SYT1: variants seen among roughly 807,000 people sequenced by gnomAD.
SYT1 encodes synaptotagmin 1, also known as synaptotagmin-1.
In SYT1, 8 loss-of-function variants were observed where a neutral mutation model predicts 44.8. That is an observed-to-expected ratio of 0.18 (90% CI 0.10 to 0.32). The LOEUF (loss-of-function observed/expected upper bound fraction) is 0.32, where lower values mean the gene tolerates loss of function less well. SYT1 is among the 10% of genes least tolerant of loss of function. The probability of loss-of-function intolerance (pLI) is 1.00; values close to 1 mark genes in which losing one functional copy is unlikely to be tolerated. For synonymous variants in SYT1, 154 were observed against 188.8 expected (o/e 0.82, Z 1.51); for missense variants, 286 against 509.3 (o/e 0.56, Z 4.22).
intron 3 of SYT1, among the ~76,000 whole-genome samples, chr12:79,059,558 A>G (rs926105070): frequency 6.6e-6 from 1 of 152,198 alleles, no homozygotes; most frequent in Non-Finnish European, 1.5e-5. Flanking sequence ...CAAGTTTTCA[A>G]TTTTCAATTT....
chr12:79,411,695 A>G (rs1868439539), intron 9 of SYT1, among the ~76,000 whole-genome samples: 1 of 152,188 alleles, frequency 6.6e-6, no homozygotes, highest in Admixed American at 6.5e-5. Flanking sequence ...AATTAGAAAA[A>G]AGTGCTAAGC....
At chr12:79,436,087 T>G (rs553007932) in intron 9 of SYT1, among the ~76,000 whole-genome samples, 32 of 152,252 alleles carry the variant, frequency 2.1e-4, no homozygotes, top group African/African-American at 7.2e-4. Context: ...GCTCTATTGC[T>G]AAAAAATTAG....
chr12:79,049,647 A>G (rs1028382276), intron 3 of SYT1, among the ~76,000 whole-genome samples: 1 of 152,016 alleles, frequency 6.6e-6, no homozygotes, highest in Non-Finnish European at 1.5e-5. Context: ...ATAAAACATG[A>G]TATCAGATGA....
intron 4 of SYT1, among the ~76,000 whole-genome samples, chr12:79,253,238 T>G (rs1230250048): frequency 1.3e-5 from 2 of 152,216 alleles, no homozygotes; most frequent in Non-Finnish European, 2.9e-5. Context: ...TTAGTAAATC[T>G]GTGTCAAGCA....
intron 1 of SYT1, among the ~76,000 whole-genome samples, chr12:78,929,409 C>CAAAAAAA (rs10646738): frequency 0.099 from 4,354 of 43,780 alleles, 2,102 homozygotes; most frequent in Middle Eastern, 0.25. Flanking sequence ...GACTCCGTCC[C>CAAAAAAA]AAAAAAAAAA....
chr12:79,138,874 A>T (rs982249835), intron 3 of SYT1, among the ~76,000 whole-genome samples: 1 of 152,218 alleles, frequency 6.6e-6, no homozygotes, highest in Admixed American at 6.5e-5. Context: ...TTATGCACAA[A>T]ATTTAAGGTG....
At chr12:79,244,985 A>C (rs1565872568) in intron 4 of SYT1, among the ~76,000 whole-genome samples, 4 of 152,132 alleles carry the variant, frequency 2.6e-5, no homozygotes, top group Admixed American at 2.6e-4. Context: ...AATTTTTTCC[A>C]CTGGAATGAT....
At chr12:79,251,405 A>C (rs1339892817) in intron 4 of SYT1, among the ~76,000 whole-genome samples, 1 of 152,216 alleles carries the variant, frequency 6.6e-6, no homozygotes, top group Non-Finnish European at 1.5e-5. Context: ...CTCCCCAGAA[A>C]ATAAATAGAA....
At position 79,296,161 on chromosome 12, in the gene SYT1, TAAG is replaced by T; in HGVS notation, c.576_578del (p.Lys193del). On this transcript the variant is annotated inframe_deletion, in exon 7 of 11. Transcript: ENST00000261205. Reference sequence around the variant, plus strand: ...ACGTGAAAGTGTTTCTGCTACCTGATAAGAAGAAGAAATTTGAGACAAAAGTCC... The same window carrying T: ...ACGTGAAAGTGTTTCTGCTACCTGATAAGAAGAAATTTGAGACAAAAGTCC... The T allele has an allele frequency of 1.2e-6, 2 of 1,614,122 alleles. No homozygotes were observed. Among genetic ancestry groups the T allele is most frequent in the South Asian group, 1.1e-5 (1 of 91,076 alleles).
rs142869667 is a variant in SYT1 at position 79,245,214 on chromosome 12, C to T, written c.166+27529C>T. On this transcript the variant is annotated intron_variant, in intron 4 of 10. Transcript: ENST00000261205. Reference sequence around the variant, plus strand: ...GGCGCGGTGGCTCACGCCTGTAATCCCAGCACTTTGGAAGGCCGAGGCGGG... The same window carrying T: ...GGCGCGGTGGCTCACGCCTGTAATCTCAGCACTTTGGAAGGCCGAGGCGGG... Among the ~76,000 whole-genome samples, 635 of 151,046 alleles carry T rather than the reference C, an allele frequency of 4.2e-3. 1 individual carries two copies. Among genetic ancestry groups the T allele is most frequent in the African/African-American group, 0.014 (592 of 41,034 alleles).
intron 3 of SYT1, among the ~76,000 whole-genome samples, chr12:79,201,432 C>T (rs1030017962): frequency 5.9e-5 from 9 of 152,174 alleles, no homozygotes; most frequent in South Asian, 2.1e-4. Context: ...TAAGTCAAAT[C>T]GATGTTGCTA....
chr12:79,435,695 G>C (rs1426059153), intron 9 of SYT1, among the ~76,000 whole-genome samples: 1 of 152,172 alleles, frequency 6.6e-6, no homozygotes, highest in Non-Finnish European at 1.5e-5. Flanking sequence ...GAAAGGAATA[G>C]TGGAGGGCAA....
In SYT1 at chr12:79,249,420, A is replaced by G. The variant is rs556422260; in HGVS notation, c.166+31735A>G. ...CGCCCGGCCCTCTTTACCTCTTTCTATATCTTCCATCTGAAGAGTTGGAAG... is the reference window on the plus strand; with the variant it reads ...CGCCCGGCCCTCTTTACCTCTTTCTGTATCTTCCATCTGAAGAGTTGGAAG... On this transcript the variant is annotated intron_variant, in intron 4 of 10. Transcript: ENST00000261205. Among the ~76,000 whole-genome samples, 11 of 152,078 alleles carry G rather than the reference A, an allele frequency of 7.2e-5. No individual in the cohort carries two copies. In the South Asian group the frequency reaches 2.3e-3, roughly 32 times the overall value.
chr12:79,215,220 TG>T (rs1178753334), intron 3 of SYT1, among the ~76,000 whole-genome samples: 3 of 152,100 alleles, frequency 2.0e-5, no homozygotes, highest in African/African-American at 7.2e-5. Context: ...TAGAGATGTG[TG>T]GATAAATCAA....
intron 1 of SYT1, among the ~76,000 whole-genome samples, chr12:78,950,718 T>G (rs1878921111): frequency 6.6e-6 from 1 of 152,154 alleles, no homozygotes. Context: ...TATATTTATT[T>G]GATTAGATCA....
intron 2 of SYT1, among the ~76,000 whole-genome samples, chr12:78,980,733 T>C (rs1258468251): frequency 6.6e-6 from 1 of 152,182 alleles, no homozygotes; most frequent in East Asian, 1.9e-4. Context: ...AACAATACTA[T>C]ATGATCGTCA....
At chr12:78,960,314 A>G (rs1879434777) in intron 1 of SYT1, 1 of 152,224 alleles carries the variant, frequency 6.6e-6, no homozygotes, top group African/African-American at 2.4e-5. Context: ...ATTTAAATAT[A>G]TACAGCAATC....
At chr12:79,028,681 T>G (rs2137660431) in intron 2 of SYT1, among the ~76,000 whole-genome samples, 1 of 151,490 alleles carries the variant, frequency 6.6e-6, no homozygotes, top group Middle Eastern at 3.4e-3. Flanking sequence ...GGTAAATAGT[T>G]AATATAGTCT....
chr12:79,134,957 C>T (rs190569158), intron 3 of SYT1, among the ~76,000 whole-genome samples: 328 of 151,406 alleles, frequency 2.2e-3, no homozygotes, highest in Admixed American at 3.2e-3. Flanking sequence ...TTGAAATTTG[C>T]AAAGAAAGTA....
Sources: gnomAD v4.1 joint callset for allele counts (sites outside exome capture counted in the v4.1 genomes callset) on GRCh38, gnomAD v4.1.1 for gene constraint, MANE v1.5 for transcripts, NCBI Gene and HGNC (gene_info 2026-07-23, HGNC 2026-07-21) for gene names.